Variants in L3MBTL3 observed in about 807,000 individuals in gnomAD.
The protein encoded by L3MBTL3 is L3MBTL histone methyl-lysine binding protein 3.
A neutral mutation model predicts 102.3 loss-of-function variants in L3MBTL3; 27 were observed. The ratio of observed to expected loss-of-function variants is 0.26; its 90% CI spans 0.19 to 0.36. L3MBTL3 has a LOEUF of 0.36. L3MBTL3 is among the 10% of genes least tolerant of loss of function. The pLI, the probability that L3MBTL3 is intolerant of heterozygous loss-of-function variation, is 1.00. For missense variants in L3MBTL3, 798 were observed against 955.3 expected, an observed-to-expected ratio of 0.84 and a Z score of 2.17; for synonymous variants, 340 against 320.9, an observed-to-expected ratio of 1.06 and a Z score of -0.64.
At chr6:130,120,820 C>T in intron 19 of L3MBTL3, 59 bp from the exon 20 acceptor site, 1 of 1,309,320 alleles carries the variant, frequency 7.6e-7, no homozygotes, top group Non-Finnish European at 1.1e-6. Context: ...AGATGTAGTT[C>T]TGAACCATTT....
At chr6:130,027,861 C>T (rs1164312992) in intron 2 of L3MBTL3, among the ~76,000 whole-genome samples, 1 of 151,996 alleles carries the variant, frequency 6.6e-6, no homozygotes, top group Non-Finnish European at 1.5e-5. Context: ...TTTTATGGCC[C>T]TTGAATCCCT....
At chr6:130,058,163 A>AAAAATAAAATAAAAT in intron 9 of L3MBTL3, among the ~76,000 whole-genome samples, 1 of 149,288 alleles carries the variant, frequency 6.7e-6, no homozygotes, top group African/African-American at 2.4e-5. Flanking sequence ...AAAAAAAAAA[A>AAAAATAAAATAAAAT]AAAAAAAAAA....
chr6:130,032,864 G>A (rs1337593080), intron 2 of L3MBTL3, among the ~76,000 whole-genome samples: 1 of 152,162 alleles, frequency 6.6e-6, no homozygotes. Flanking sequence ...GTGGTGGTGT[G>A]CACCTGTAGT....
At chr6:130,108,379 C>T (rs1002092092) in intron 19 of L3MBTL3, among the ~76,000 whole-genome samples, 5 of 151,616 alleles carry the variant, frequency 3.3e-5, no homozygotes, top group East Asian at 1.9e-4. Flanking sequence ...GGATTACAGG[C>T]GTGTGCCACC....
intron 14 of L3MBTL3, among the ~76,000 whole-genome samples, chr6:130,080,009 C>T (rs1218373585): frequency 6.6e-6 from 1 of 152,112 alleles, no homozygotes; most frequent in Non-Finnish European, 1.5e-5. Context: ...AATCTCAGCA[C>T]TTTGGGAGGC....
intron 18 of L3MBTL3, among the ~76,000 whole-genome samples, chr6:130,100,760 A>G (rs1784636755): frequency 6.6e-6 from 1 of 152,042 alleles, no homozygotes; most frequent in Non-Finnish European, 1.5e-5. Flanking sequence ...TCTTTCATTT[A>G]TTCAACAAAT....
intron 2 of L3MBTL3, among the ~76,000 whole-genome samples, chr6:130,027,253 G>C (rs1279146758): frequency 6.6e-6 from 1 of 152,116 alleles, no homozygotes; most frequent in African/African-American, 2.4e-5. Context: ...CTTTGTTGAA[G>C]TTCTATTTAA....
intron 1 of L3MBTL3, among the ~76,000 whole-genome samples, chr6:130,019,026 T>A (rs1335580130): frequency 2.0e-5 from 3 of 151,306 alleles, no homozygotes; most frequent in African/African-American, 4.9e-5. Flanking sequence ...AGGAGAGACT[T>A]GTATTTTTTT....
At chr6:130,033,759 A>G (rs1779873477) in intron 2 of L3MBTL3, among the ~76,000 whole-genome samples, 1 of 152,214 alleles carries the variant, frequency 6.6e-6, no homozygotes, top group Non-Finnish European at 1.5e-5. Context: ...TGAAAAATGT[A>G]CTTGTTAACT....
At chr6:130,113,942 G>C (rs1785501943) in intron 19 of L3MBTL3, among the ~76,000 whole-genome samples, 1 of 152,190 alleles carries the variant, frequency 6.6e-6, no homozygotes, top group African/African-American at 2.4e-5. Flanking sequence ...GATTACAAAA[G>C]TTAATTAGTA....
At chr6:130,037,062 A>G (rs1056745106) in intron 2 of L3MBTL3, among the ~76,000 whole-genome samples, 7 of 152,338 alleles carry the variant, frequency 4.6e-5, no homozygotes. Flanking sequence ...TCTGAAAAAA[A>G]TAATTGAAAT....
chr6:130,042,733 G>A lies in L3MBTL3; in HGVS notation c.34G>A (p.Glu12Lys). The A allele has an allele frequency of 6.2e-7, 1 of 1,613,706 alleles. No homozygotes were observed. Among genetic ancestry groups the A allele is most frequent in the Non-Finnish European group, 8.5e-7 (1 of 1,179,706 alleles). ...TESASSTSGQ[E>K]FDVFSVMDWK... is the part of the protein sequence containing the mutation. The stretch of plus-strand genomic sequence containing the variant: ...ATCTGCCTCTAGCACAAGTGGTCAA[G>A]AGTTTGATGTGTTCAGTGTTATGGA... The change falls in exon 3 of 23, where the codon GAG becomes AAG. Residue 12 changes from glutamate to lysine, a missense_variant. By Grantham distance (56) the Glu-to-Lys change is moderately conservative. Around this residue, in one of 4 missense-constraint regions of L3MBTL3, gnomAD observed 434 missense variants for 506.6 expected, o/e 0.86. Transcript: ENST00000361794.
chr6:130,136,819 T>C (rs935202954), intron 22 of L3MBTL3, among the ~76,000 whole-genome samples: 10 of 152,164 alleles, frequency 6.6e-5, no homozygotes, highest in Middle Eastern at 3.2e-3. Context: ...GGTTTCACCA[T>C]ATTGGCCACA....
intron 11 of L3MBTL3, among the ~76,000 whole-genome samples, 182 bp from the exon 12 acceptor site, chr6:130,068,148 A>G (rs1782386975): frequency 2.0e-5 from 3 of 152,224 alleles, no homozygotes; most frequent in African/African-American, 7.2e-5. Context: ...GAAAATAATA[A>G]TACAGTTTGT....
intron 18 of L3MBTL3, among the ~76,000 whole-genome samples, chr6:130,094,933 G>A (rs1784274366): frequency 6.6e-6 from 1 of 152,078 alleles, no homozygotes; most frequent in African/African-American, 2.4e-5. Context: ...TCTTTGTAGA[G>A]AGTTAAAAAT....
At position 130,046,058 on chromosome 6, in the gene L3MBTL3, A is replaced by G. The variant is rs142130771; in HGVS notation, c.103-3224A>G. ...TGACTAAGTGGCAGTGCAGAGGGAC[A>G]TGGTAGGGCTTCCCATAACTGAGCA... On this transcript the variant is annotated intron_variant, in intron 3 of 22. Transcript: ENST00000361794. 7.6e-4 allele frequency among the ~76,000 whole-genome samples: 116 copies of G among 152,330 alleles called. 1 individual carries two copies. Among genetic ancestry groups the G allele is most frequent in the African/African-American group, 2.2e-3 (93 of 41,582 alleles).
chr6:130,136,965 G>A (rs1787750543), intron 22 of L3MBTL3, among the ~76,000 whole-genome samples: 1 of 152,142 alleles, frequency 6.6e-6, no homozygotes, highest in African/African-American at 2.4e-5. Context: ...TACTTAGTAT[G>A]TTTATTGGCT....
At chr6:130,046,960 G>A (rs977381853) in intron 3 of L3MBTL3, among the ~76,000 whole-genome samples, 1 of 152,194 alleles carries the variant, frequency 6.6e-6, no homozygotes, top group Non-Finnish European at 1.5e-5. Context: ...TCATAGCAAT[G>A]TTGTGGAAGA....
At position 130,133,102 on chromosome 6, in the gene L3MBTL3, A is replaced by G. The variant is rs1034640958; in HGVS notation, c.1967-350A>G. ...CTGTTACCTTTACAACATCCAAAGC[A>G]GAAAGGGGAGCAAATAAACAACTTC... On this transcript the variant is annotated intron_variant, in intron 20 of 22. Transcript: ENST00000361794. The surrounding 1 kb of genome is among the most constrained non-coding windows in gnomAD (Gnocchi z 4.9). Among the ~76,000 whole-genome samples the G allele has an allele frequency of 3.3e-5, 5 of 152,230 alleles. No homozygotes were observed. Among genetic ancestry groups the G allele is most frequent in the African/African-American group, 1.2e-4 (5 of 41,466 alleles).
Sources: allele counts gnomAD v4.1 joint callset (sites outside exome capture counted in the v4.1 genomes callset), GRCh38; gene constraint gnomAD v4.1.1; regional missense constraint gnomAD v4.1.1; non-coding constraint Gnocchi (gnomAD v3.1); transcripts MANE v1.5; gene names NCBI Gene and HGNC (gene_info 2026-07-23, HGNC 2026-07-21).